TENM3: variants seen among roughly 807,000 people sequenced by gnomAD.
The protein encoded by TENM3 is teneurin transmembrane protein 3.
Under a neutral mutation model 255.1 loss-of-function variants are expected in TENM3, and 63 were observed. That is an observed-to-expected ratio of 0.25 (90% confidence interval 0.20 to 0.30). The LOEUF is 0.30. TENM3 is among the 10% of genes least tolerant of loss of function. The pLI is 1.00. For missense variants in TENM3, 2,929 were observed against 3,461.1 expected (o/e 0.85, Z 3.86); for synonymous variants, 1,306 against 1,322.3 (o/e 0.99, Z 0.27).
chr4:181,591,261 A>T, the TENM3 span, among the ~76,000 whole-genome samples: 1 of 152,236 alleles, frequency 6.6e-6, no homozygotes, highest in Admixed American at 6.5e-5. Flanking sequence ...TGAAACTCAC[A>T]CACATGACTG....
the TENM3 span, among the ~76,000 whole-genome samples, chr4:181,583,002 CT>C: frequency 6.6e-6 from 1 of 152,186 alleles, no homozygotes; most frequent in East Asian, 1.9e-4. Context: ...ATAAATGGAC[CT>C]ACCCACACAC....
the TENM3 span, among the ~76,000 whole-genome samples, chr4:181,568,312 C>A: frequency 6.6e-6 from 1 of 151,866 alleles, no homozygotes; most frequent in Non-Finnish European, 1.5e-5. Flanking sequence ...TACAGGCGCC[C>A]GCCACCACAC....
chr4:182,307,897 A>G (rs1439148089), intron 1 of TENM3, among the ~76,000 whole-genome samples: 1 of 152,246 alleles, frequency 6.6e-6, no homozygotes, highest in Non-Finnish European at 1.5e-5. Context: ...GCAGGCAGTC[A>G]ATGGGAAACC....
intron 1 of TENM3, among the ~76,000 whole-genome samples, chr4:182,232,417 T>C (rs1275678276): frequency 6.6e-6 from 1 of 152,194 alleles, no homozygotes; most frequent in Non-Finnish European, 1.5e-5. Context: ...AAACTGGTGA[T>C]TGTCCAGACA....
At chr4:182,161,573 T>A (rs1382500628) in intron 1 of TENM3, among the ~76,000 whole-genome samples, 2 of 1,202 alleles carry the variant, frequency 1.7e-3, no homozygotes, top group Non-Finnish European at 0.017. Context: ...GGCAACAGAG[T>A]TGAGGCTCAG....
the TENM3 span, among the ~76,000 whole-genome samples, chr4:181,780,403 T>C: frequency 1.7e-4 from 26 of 152,354 alleles, 2 homozygotes; most frequent in Admixed American, 1.4e-3. Context: ...ATGAGCATTT[T>C]TTCATGTGTC....
the TENM3 span, among the ~76,000 whole-genome samples, chr4:181,959,406 T>G: frequency 6.6e-6 from 1 of 152,134 alleles, no homozygotes; most frequent in Non-Finnish European, 1.5e-5. Flanking sequence ...AGCCCCTGTT[T>G]CAACAGGAGA....
chr4:182,581,927 T>G (rs1338879408), intron 3 of TENM3, among the ~76,000 whole-genome samples: 1 of 152,140 alleles, frequency 6.6e-6, no homozygotes. Context: ...TTTTGTTTCT[T>G]AGCATAAGAG....
the TENM3 span, among the ~76,000 whole-genome samples, chr4:181,487,243 G>T: frequency 1.3e-5 from 2 of 152,288 alleles, no homozygotes; most frequent in African/African-American, 4.8e-5. Context: ...TAGTAGATTG[G>T]CTGGTGGTTG....
the TENM3 span, among the ~76,000 whole-genome samples, chr4:181,460,918 T>A: frequency 2.4e-4 from 36 of 152,076 alleles, no homozygotes; most frequent in Non-Finnish European, 3.7e-4. Context: ...ATAAAGAGAT[T>A]AAAAATTTTT....
In TENM3 at chr4:182,389,396, A is replaced by G. The variant is rs559446347; in HGVS notation, c.511+42467A>G. 5.5e-4 allele frequency among the ~76,000 whole-genome samples: 83 copies of G among 152,242 alleles called. No individual in the cohort carries two copies. The South Asian group carries it at 0.017, about 32-fold the overall frequency. ...GTTTGGTAGATGGAAAAAAAAAAAA[A>G]AAAGAACTATGCCCAGGCCATAGAG... On this transcript the variant is annotated intron_variant, in intron 3 of 27. Coordinates refer to ENST00000511685, the MANE Select transcript of TENM3 (RefSeq NM_001080477.4).
the TENM3 span, among the ~76,000 whole-genome samples, chr4:181,768,794 A>G: frequency 6.6e-6 from 1 of 152,202 alleles, no homozygotes; most frequent in Non-Finnish European, 1.5e-5. Context: ...ATGGCCCTCA[A>G]TGTTTTCTCA....
At chr4:181,869,326 T>A in the TENM3 span, among the ~76,000 whole-genome samples, 1 of 152,170 alleles carries the variant, frequency 6.6e-6, no homozygotes, top group African/African-American at 2.4e-5. Flanking sequence ...TGCTTAAACA[T>A]GTATTTAATT....
chr4:181,639,326 C>G, the TENM3 span, among the ~76,000 whole-genome samples: 1 of 152,098 alleles, frequency 6.6e-6, no homozygotes, highest in Admixed American at 6.6e-5. Context: ...GCATCAAGCC[C>G]CCTGAACCCT....
In TENM3 at chr4:182,682,147, T is replaced by C. The variant is rs973119846; in HGVS notation, c.2035+133T>C. The C allele has an allele frequency of 1.0e-4, 76 of 745,020 alleles. No individual in the cohort carries two copies. The African/African-American group carries it at 1.2e-3, about 12-fold the overall frequency. The allele number at this position is 745,020 out of a possible 1,614,324, so 46.2% of individuals were successfully genotyped here. A position where few individuals can be genotyped will look rare whatever the true frequency, so the allele number is the denominator to read the frequency against. On this transcript the variant is annotated intron_variant, in intron 11 of 27. Transcript: ENST00000511685. ...AGTGATTCTTTATGGAAATAAATATTAAAAGTAATGATATGTAGTTGCCTT... is the reference window on the plus strand; with the variant it reads ...AGTGATTCTTTATGGAAATAAATATCAAAAGTAATGATATGTAGTTGCCTT...
intron 1 of TENM3, among the ~76,000 whole-genome samples, chr4:182,323,683 T>A (rs938411931): frequency 2.0e-5 from 3 of 149,900 alleles, no homozygotes; most frequent in Non-Finnish European, 4.5e-5. Context: ...GAGCTTACAA[T>A]TTTTTTTTTG....
chr4:181,963,465 T>C, the TENM3 span, among the ~76,000 whole-genome samples: 1 of 152,200 alleles, frequency 6.6e-6, no homozygotes, highest in Non-Finnish European at 1.5e-5. Context: ...AAGAAAGCTG[T>C]TTTTAAGCTT....
chr4:182,364,754 T>C (rs1271680606), intron 3 of TENM3, among the ~76,000 whole-genome samples: 1 of 152,192 alleles, frequency 6.6e-6, no homozygotes, highest in Non-Finnish European at 1.5e-5. Flanking sequence ...CCACATGCTA[T>C]TGGATTTTTT....
chr4:181,611,821 T>A, the TENM3 span, among the ~76,000 whole-genome samples: 1 of 152,240 alleles, frequency 6.6e-6, no homozygotes, highest in South Asian at 2.1e-4. Flanking sequence ...GACATCTGCA[T>A]CTAATGGTTA....
Sources: gnomAD v4.1 joint callset for allele counts (sites outside exome capture counted in the v4.1 genomes callset) on GRCh38, gnomAD v4.1.1 for gene constraint, MANE v1.5 for transcripts, NCBI Gene and HGNC (gene_info 2026-07-23, HGNC 2026-07-21) for gene names.